Variants in TGM6 observed in about 807,000 individuals in gnomAD.
The protein encoded by TGM6 is protein-glutamine gamma-glutamyltransferase 6.
In TGM6, 74 loss-of-function variants were observed where a neutral mutation model predicts 77.5. The ratio of observed to expected loss-of-function variants is 0.96; its 90% confidence interval spans 0.79 to 1.16. TGM6 has a LOEUF of 1.16. Ranked by LOEUF, TGM6 falls within the 50% of genes most tolerant of loss-of-function variation. The pLI is 0.00. For synonymous variants in TGM6, 383 were observed against 378.9 expected (o/e 1.01, Z -0.12); for missense variants, 968 against 940.2 (o/e 1.03, Z -0.39).
At chr20:2,418,873 G>A (rs549572303) in intron 10 of TGM6, among the ~76,000 whole-genome samples, 3 of 152,024 alleles carry the variant, frequency 2.0e-5, no homozygotes, top group Admixed American at 6.5e-5. Flanking sequence ...TCAGGAGATC[G>A]AAACCATCCT....
chr20:2,386,060 C>A (rs1212287398), intron 1 of TGM6, among the ~76,000 whole-genome samples: 2 of 152,160 alleles, frequency 1.3e-5, no homozygotes, highest in African/African-American at 2.4e-5. Context: ...GACAAGGGGC[C>A]TGGAAACCAT....
intron 1 of TGM6, among the ~76,000 whole-genome samples, chr20:2,391,017 G>A (rs549989239): frequency 5.4e-4 from 82 of 152,082 alleles, no homozygotes; most frequent in Admixed American, 8.5e-4. Context: ...GGTCATTGTC[G>A]GGACTTCAAC....
At chr20:2,384,525 T>A (rs1373996828) in intron 1 of TGM6, among the ~76,000 whole-genome samples, 1 of 152,184 alleles carries the variant, frequency 6.6e-6, no homozygotes, top group Non-Finnish European at 1.5e-5. Context: ...AGTATGTGCC[T>A]GGTACCAGTC....
At chr20:2,415,511 C>T (rs1199752875) in intron 9 of TGM6, among the ~76,000 whole-genome samples, 2 of 152,030 alleles carry the variant, frequency 1.3e-5, no homozygotes, top group Non-Finnish European at 2.9e-5. Flanking sequence ...TAAAGCTTGC[C>T]GGGACAGATT....
intron 1 of TGM6, 45 bp from the exon 2 acceptor site, chr20:2,394,403 TGAGA>T: frequency 6.2e-7 from 1 of 1,601,806 alleles, no homozygotes. Context: ...TCAGAGTGGG[TGAGA>T]AACAGGAGGC....
In TGM6 at chr20:2,431,635, T is replaced by C. The variant is rs143860160; in HGVS notation, c.1967+608T>C. On this transcript the variant is annotated intron_variant, in intron 12 of 12. Transcript: ENST00000202625. ...TCTCAGATACAGATGGCCCTTCACA[T>C]GAGGACAGTGTGATTTGTGAAAAAG... is the stretch of plus-strand genomic sequence containing the variant. Among the ~76,000 whole-genome samples, 100 of 152,332 alleles carry C rather than the reference T, an allele frequency of 6.6e-4. 1 individual carries two copies. The Middle Eastern group carries it at 0.02, about 31-fold the overall frequency.
chr20:2,384,936 GC>G (rs141467533), intron 1 of TGM6, among the ~76,000 whole-genome samples: 22,445 of 152,000 alleles, frequency 0.15, 1,868 homozygotes, highest in South Asian at 0.32. Flanking sequence ...AAGGGTGAAG[GC>G]CCCCAGAGCT....
intron 9 of TGM6, among the ~76,000 whole-genome samples, chr20:2,407,550 C>T (rs565692249): frequency 2.0e-5 from 3 of 152,254 alleles, no homozygotes; most frequent in South Asian, 4.2e-4. Flanking sequence ...TGTCAGGAGG[C>T]GGAGGTTGCA....
Position 2,394,591 on chromosome 20 carries a change from C to G in TGM6, c.147C>G (p.Asp49Glu). The G allele has an allele frequency of 6.2e-7, 1 of 1,612,122 alleles. No homozygotes were observed. The highest frequency in any genetic ancestry group is 1.3e-5 in the African/African-American group (1 of 74,998). The change falls in exon 2 of 13, where the codon GAC (aspartate) becomes GAG (glutamate). Residue 49 changes from aspartate (D) to glutamate (E), a missense_variant. Asp to Glu is a conservative substitution (Grantham distance 45). Transcript: ENST00000202625. ...CGCTGGAGCTGAGCAGAGCCCTGGA[C>G]TGTGAGGAGATCCTCATCTTCACGA... ...SLTLELSRALDCEEILIFTME... is the reference protein window; with the variant it reads ...SLTLELSRALECEEILIFTME...
At chr20:2,422,024 C>A (rs886210136) in intron 10 of TGM6, among the ~76,000 whole-genome samples, 4 of 151,938 alleles carry the variant, frequency 2.6e-5, no homozygotes, top group African/African-American at 9.7e-5. Flanking sequence ...CCCAGCTACT[C>A]GGGAGGCTGA....
intron 1 of TGM6, among the ~76,000 whole-genome samples, chr20:2,383,249 C>T (rs557273804): frequency 2.0e-5 from 3 of 152,354 alleles, no homozygotes; most frequent in Admixed American, 2.0e-4. Context: ...CTGGCTTCAA[C>T]AGAGTTTCCA....
Position 2,394,337 on chromosome 20 carries a change from G to A in TGM6, c.8-115G>A, listed in dbSNP as rs989388675. 25 of 1,235,094 alleles carry A rather than the reference G, an allele frequency of 2.0e-5. No homozygotes were observed. The South Asian group carries it at 2.4e-4, about 12-fold the overall frequency. 76.5% of individuals were successfully genotyped at this position (1,235,094 alleles called of 1,614,324 possible). A position where few individuals can be genotyped will look rare whatever the true frequency, so the allele number is the denominator to read the frequency against. On this transcript the variant is annotated intron_variant, in intron 1 of 12. Transcript: ENST00000202625. ...AACAAACAGAGAATCGCCGGTATAT[G>A]ATAAATAGCAGCTGGATGAACAAAT...
intron 9 of TGM6, among the ~76,000 whole-genome samples, chr20:2,410,910 A>C (rs1449023748): frequency 6.6e-6 from 1 of 152,250 alleles, no homozygotes; most frequent in Non-Finnish European, 1.5e-5. Context: ...CTCAAAAAGA[A>C]ATAGAAAATC....
At chr20:2,396,158 C>T (rs143245464) in intron 3 of TGM6, among the ~76,000 whole-genome samples, 1 of 132,056 alleles carries the variant, frequency 7.6e-6, no homozygotes, top group Non-Finnish European at 1.6e-5. Context: ...CCAGCCTGGG[C>T]AACAAGAGCA....
At chr20:2,392,818 A>G (rs992197073) in intron 1 of TGM6, among the ~76,000 whole-genome samples, 5 of 152,202 alleles carry the variant, frequency 3.3e-5, no homozygotes, top group Non-Finnish European at 7.3e-5. Flanking sequence ...TGAGAGGATC[A>G]CTTGAGCCTG....
Position 2,394,751 on chromosome 20 carries a change from G to C in TGM6, c.181+126G>C, listed in dbSNP as rs370250506. ...GGGAAGCAAGTCACTGTAGGTAGAC[G>C]GAGCCTTGAACCCTGGAGGCTTCTG... On this transcript the variant is annotated intron_variant, in intron 2 of 12. Transcript: ENST00000202625. 3.4e-6 allele frequency: 4 copies of C among 1,174,288 alleles called. No homozygotes were observed. The South Asian group carries it at 4.0e-5, about 12-fold the overall frequency. 72.7% of individuals were successfully genotyped at this position (1,174,288 alleles called of 1,614,324 possible).
intron 1 of TGM6, among the ~76,000 whole-genome samples, chr20:2,382,679 G>A (rs773342890): frequency 6.6e-6 from 1 of 152,184 alleles, no homozygotes. Flanking sequence ...GTTCCTCAGA[G>A]CAGTAGGTCC....
chr20:2,394,741 G>A (rs952198120), intron 2 of TGM6, 116 bp downstream of exon 2: 40 of 1,227,286 alleles, frequency 3.3e-5, no homozygotes, highest in African/African-American at 1.6e-4. Flanking sequence ...GCAAGTCACT[G>A]TAGGTAGACG....
intron 1 of TGM6, among the ~76,000 whole-genome samples, chr20:2,386,445 T>C (rs1261765760): frequency 6.6e-6 from 1 of 151,870 alleles, no homozygotes; most frequent in Admixed American, 6.6e-5. Context: ...CAAAACCCCA[T>C]CAAGGAGCAA....
Sources: gnomAD v4.1 joint callset for allele counts (sites outside exome capture counted in the v4.1 genomes callset) on GRCh38, gnomAD v4.1.1 for gene constraint, MANE v1.5 for transcripts, NCBI Gene and HGNC (gene_info 2026-07-23, HGNC 2026-07-21) for gene names.